The following PRRG1 variants were observed in gnomAD, a reference collection of about 807,000 sequenced individuals.
The protein encoded by PRRG1 is proline rich and Gla domain 1.
PRRG1 carries 5 observed loss-of-function variants against 11.8 expected under a neutral mutation model. The observed-to-expected ratio is 0.42, with a 90% CI of 0.22 to 0.89. The LOEUF (loss-of-function observed/expected upper bound fraction) is 0.89, where lower values mean the gene tolerates loss of function less well. Among genes scored for constraint, PRRG1 ranks in the 40% least tolerant of loss-of-function variants. The pLI is 0.28. For synonymous variants in PRRG1, 66 were observed against 60.4 expected (o/e 1.09, Z -0.43); for missense variants, 155 against 166.1 (o/e 0.93, Z 0.37).
chrX:37,356,839 C>T (rs1930250814), intron 1 of PRRG1, among the ~76,000 whole-genome samples: 1 of 111,300 alleles, frequency 9.0e-6, no homozygotes, highest in African/African-American at 3.3e-5. Flanking sequence ...ACACAACCTC[C>T]TGCACTATCA....
intron 1 of PRRG1, among the ~76,000 whole-genome samples, chrX:37,372,629 T>A (rs1351134140): frequency 4.4e-5 from 5 of 112,751 alleles, no homozygotes; most frequent in African/African-American, 1.6e-4. Context: ...CGCCCATTTT[T>A]AAATTGGACT....
At chrX:37,355,280 C>T (rs963404350) in intron 1 of PRRG1, among the ~76,000 whole-genome samples, 6 of 110,590 alleles carry the variant, frequency 5.4e-5, no homozygotes, top group Admixed American at 9.6e-5. Flanking sequence ...CTGTTTCAAA[C>T]AATACACTTA....
At chrX:37,422,631 T>C (rs1227625818) in intron 2 of PRRG1, among the ~76,000 whole-genome samples, 2 of 111,984 alleles carry the variant, frequency 1.8e-5, no homozygotes, top group Admixed American at 9.5e-5. Context: ...TGAAAAAGGG[T>C]ACTATAGTCA....
rs376300211 is a variant in PRRG1 at position 37,356,499 on chromosome X, T to C, written c.-42+7104T>C. On this transcript the variant is annotated intron_variant, in intron 1 of 3. Coordinates refer to ENST00000378628, the MANE Select transcript of PRRG1 (RefSeq NM_001142395.2). ...AGTAGCATGAATGAGAAGGGGTGAATAATAAGGCATAGAGTCAGATAAGCA... is the reference window on the plus strand; with the variant it reads ...AGTAGCATGAATGAGAAGGGGTGAACAATAAGGCATAGAGTCAGATAAGCA... Among the ~76,000 whole-genome samples, 5 of 110,745 alleles carry C rather than the reference T, an allele frequency of 4.5e-5. No homozygotes were observed. In the East Asian group the frequency reaches 1.1e-3, roughly 25 times the overall value.
chrX:37,378,395 T>C (rs1205496959), intron 1 of PRRG1, among the ~76,000 whole-genome samples: 1 of 112,019 alleles, frequency 8.9e-6, no homozygotes, highest in African/African-American at 3.2e-5. Flanking sequence ...ATTAGAATCC[T>C]ATAATGCTTA....
intron 1 of PRRG1, among the ~76,000 whole-genome samples, chrX:37,389,174 C>A (rs148016940): frequency 0.038 from 4,197 of 111,260 alleles, 200 homozygotes; most frequent in African/African-American, 0.13. Flanking sequence ...CTTCACTGTC[C>A]ATATCACTAT....
intron 2 of PRRG1, among the ~76,000 whole-genome samples, chrX:37,410,362 T>C (rs1432335503): frequency 8.9e-6 from 1 of 112,078 alleles, no homozygotes; most frequent in Admixed American, 9.5e-5. Flanking sequence ...AGAGCCAAAA[T>C]GCAAATCTAG....
intron 2 of PRRG1, among the ~76,000 whole-genome samples, chrX:37,409,389 C>A (rs1475870857): frequency 1.8e-5 from 2 of 111,604 alleles, no homozygotes; most frequent in Non-Finnish European, 3.8e-5. Context: ...CCGTGCAGTT[C>A]AAATATGTGT....
chrX:37,406,117 A>T (rs1156308320), intron 1 of PRRG1, 92 bp from the exon 2 acceptor site: 2 of 732,035 alleles, frequency 2.7e-6, no homozygotes, highest in Non-Finnish European at 2.0e-6. Flanking sequence ...TGAAATGCTC[A>T]CATTGACCAC....
intron 1 of PRRG1, among the ~76,000 whole-genome samples, chrX:37,349,812 T>G (rs1021439008): frequency 9.1e-6 from 1 of 110,101 alleles, no homozygotes; most frequent in Non-Finnish European, 1.9e-5. Flanking sequence ...CTAGAAACAT[T>G]CCCCGTCGGA....
intron 1 of PRRG1, among the ~76,000 whole-genome samples, chrX:37,376,551 G>GTATATATATATATATATATATGTATA (rs1930957982): frequency 7.4e-5 from 2 of 26,911 alleles, no homozygotes; most frequent in Non-Finnish European, 1.9e-4. Context: ...AAATGTGAGT[G>GTATATATATATATATATATATGTATA]TATATATATA....
intron 1 of PRRG1, among the ~76,000 whole-genome samples, chrX:37,389,183 A>G (rs782129371): frequency 2.7e-5 from 3 of 111,503 alleles, no homozygotes; most frequent in Non-Finnish European, 5.6e-5. Flanking sequence ...CCATATCACT[A>G]TAACCATTCA....
At position 37,452,505 on chromosome X, in the gene PRRG1, A is replaced by G. The variant is rs184818919; in HGVS notation, c.172-631A>G. On this transcript the variant is annotated intron_variant, in intron 3 of 3. Coordinates refer to ENST00000378628, the MANE Select transcript of PRRG1 (RefSeq NM_001142395.2). ...ATTTGGGATTAAGGTCCAGGTTTAG[A>G]AGTAACCTAATGTAGCTTCTTCACC... 1.1e-4 allele frequency among the ~76,000 whole-genome samples: 12 copies of G among 112,223 alleles called. No individual in the cohort carries two copies. The East Asian group carries it at 3.3e-3, about 31-fold the overall frequency.
intron 1 of PRRG1, among the ~76,000 whole-genome samples, chrX:37,369,838 C>A (rs1251594674): frequency 2.7e-5 from 3 of 111,723 alleles, no homozygotes; most frequent in Non-Finnish European, 3.8e-5. Context: ...AGGGCAGTTT[C>A]CCTGCACATG....
At chrX:37,439,011 A>G (rs782129327) in intron 3 of PRRG1, among the ~76,000 whole-genome samples, 1 of 111,930 alleles carries the variant, frequency 8.9e-6, no homozygotes, top group Admixed American at 9.5e-5. Flanking sequence ...ATCAGTAACT[A>G]TAGAAATAAG....
intron 1 of PRRG1, among the ~76,000 whole-genome samples, chrX:37,402,145 C>T (rs1452508753): frequency 7.2e-5 from 8 of 111,297 alleles, no homozygotes; most frequent in Non-Finnish European, 1.3e-4. Context: ...CTTTAAAGTT[C>T]ATATGGAATC....
At chrX:37,452,412 G>C (rs1556396797) in intron 3 of PRRG1, among the ~76,000 whole-genome samples, 1 of 111,866 alleles carries the variant, frequency 8.9e-6, no homozygotes, top group African/African-American at 3.2e-5. Flanking sequence ...ATTGGGTCAA[G>C]TTTCCTTTTT....
At chrX:37,374,712 A>G (rs1250497893) in intron 1 of PRRG1, among the ~76,000 whole-genome samples, 2 of 110,766 alleles carry the variant, frequency 1.8e-5, no homozygotes, top group Admixed American at 9.6e-5. Flanking sequence ...CATAAATTAT[A>G]TTTTGTATTT....
rs1556398433 is a variant in PRRG1 at position 37,456,590 on chromosome X, A to G, written c.*2969A>G. 8.9e-6 allele frequency: 1 copy of G among 112,031 alleles called. No homozygotes were observed. The highest frequency in any genetic ancestry group is 3.2e-5 in the African/African-American group (1 of 30,864). The allele number at this position is 112,031 out of a possible 1,213,427, so 9.2% of individuals were successfully genotyped here. ...AATACCACTGTCTTCAAGAAACATT[A>G]TCTTAGGTTTGTTTGTTTGGTTTGA... On this transcript the variant is annotated 3_prime_UTR_variant, in exon 4 of 4. Transcript: ENST00000378628.
Sources: gnomAD v4.1 joint callset for allele counts (sites outside exome capture counted in the v4.1 genomes callset) on GRCh38, gnomAD v4.1.1 for gene constraint, MANE v1.5 for transcripts, NCBI Gene and HGNC (gene_info 2026-07-23, HGNC 2026-07-21) for gene names.